GPC3: variants seen among roughly 807,000 people sequenced by gnomAD.
The protein encoded by GPC3 is glypican-3.
GPC3 carries 3 observed loss-of-function variants against 34.4 expected under a neutral mutation model. The observed-to-expected ratio is 0.09, with a 90% confidence interval of 0.04 to 0.23. The LOEUF (loss-of-function observed/expected upper bound fraction) is 0.23. Ranked by LOEUF, GPC3 falls within the 10% of genes least tolerant of loss-of-function variation. The pLI is 1.00. For missense variants in GPC3, 351 were observed against 445.6 expected, an observed-to-expected ratio of 0.79 and a Z score of 1.91; for synonymous variants, 177 against 174.0, an observed-to-expected ratio of 1.02 and a Z score of -0.13.
chrX:133,946,011 C>T (rs2068415766), intron 2 of GPC3, among the ~76,000 whole-genome samples: 1 of 111,971 alleles, frequency 8.9e-6, no homozygotes, highest in South Asian at 3.8e-4. Flanking sequence ...GGATGCCTTG[C>T]ACCCAAGTTA....
In GPC3 at chrX:133,549,597, T is replaced by C. The variant is rs563917383; in HGVS notation, c.1574-13304A>G. On this transcript the variant is annotated intron_variant, in intron 7 of 7. Coordinates refer to ENST00000370818, the MANE Select transcript of GPC3 (RefSeq NM_004484.4). ...CATGTCTTTCTTCATGCTATTCCCTTAGCCTGGAATGGCCTCTCTCTCTCT... is the reference window on the plus strand; with the variant it reads ...CATGTCTTTCTTCATGCTATTCCCTCAGCCTGGAATGGCCTCTCTCTCTCT... 2.8e-5 allele frequency among the ~76,000 whole-genome samples: 3 copies of C among 107,212 alleles called. No homozygotes were observed. In the Middle Eastern group the frequency reaches 0.014, roughly 511 times the overall value. 93.1% of individuals were successfully genotyped at this position (107,212 alleles called of 115,157 possible). A position where few individuals can be genotyped will look rare whatever the true frequency, so the allele number is the denominator to read the frequency against.
intron 4 of GPC3, 73 bp downstream of exon 4, chrX:133,699,822 A>G: frequency 1.2e-6 from 1 of 862,713 alleles, no homozygotes. Flanking sequence ...AAGAAGTTTC[A>G]CTCTAGTGGT....
At chrX:133,813,623 G>C (rs2075675632) in intron 2 of GPC3, among the ~76,000 whole-genome samples, 1 of 112,542 alleles carries the variant, frequency 8.9e-6, no homozygotes, top group African/African-American at 3.2e-5. Flanking sequence ...AATGAATGAA[G>C]TGTGGTGCAC....
At chrX:133,732,821 G>A (rs1239917029) in intron 3 of GPC3, among the ~76,000 whole-genome samples, 1 of 111,492 alleles carries the variant, frequency 9.0e-6, no homozygotes, top group Non-Finnish European at 1.9e-5. Flanking sequence ...CAGTTCTTTG[G>A]AGGCAATCCA....
chrX:133,553,130 CT>C (rs202125841), intron 7 of GPC3, among the ~76,000 whole-genome samples: 3,511 of 111,951 alleles, frequency 0.031, 61 homozygotes, highest in Non-Finnish European at 0.049. Flanking sequence ...GCCCTGGTTC[CT>C]TACAACTAAG....
rs970402246 is a variant in GPC3, at chrX:133,659,147, ATATCTT to A, written c.1413+2577_1413+2582del. ...TGATAGATATACACTGGAGTTTTTG[ATATCTT>A]TACCATAATACAGATGAGAGAACTA... On this transcript the variant is annotated intron_variant, in intron 6 of 7. Transcript: ENST00000370818. Among the ~76,000 whole-genome samples, 10 of 112,403 alleles carry A rather than the reference ATATCTT, an allele frequency of 8.9e-5. No individual in the cohort carries two copies. In the South Asian group the frequency reaches 1.5e-3, roughly 17 times the overall value.
intron 6 of GPC3, among the ~76,000 whole-genome samples, chrX:133,614,202 A>G (rs1329358576): frequency 8.9e-6 from 1 of 111,802 alleles, no homozygotes; most frequent in African/African-American, 3.2e-5. Flanking sequence ...ATTTAAAGAC[A>G]TAATGGCTGA....
intron 2 of GPC3, among the ~76,000 whole-genome samples, chrX:133,928,809 G>A (rs1237019956): frequency 8.9e-6 from 1 of 112,014 alleles, no homozygotes; most frequent in African/African-American, 3.2e-5. Context: ...TGAGTTGTAT[G>A]AGTTCTTTAT....
At chrX:133,749,541 C>T (rs1233929776) in intron 3 of GPC3, among the ~76,000 whole-genome samples, 1 of 111,181 alleles carries the variant, frequency 9.0e-6, no homozygotes, top group Non-Finnish European at 1.9e-5. Flanking sequence ...CTTAAAAAAA[C>T]GAACAGTACC....
chrX:133,861,606 T>C (rs1322529396), intron 2 of GPC3, among the ~76,000 whole-genome samples: 2 of 111,702 alleles, frequency 1.8e-5, no homozygotes, highest in Non-Finnish European at 3.8e-5. Flanking sequence ...CCTACCCAAA[T>C]CCCATGTTGA....
chrX:133,671,602 A>C (rs916969721), intron 5 of GPC3, among the ~76,000 whole-genome samples: 11 of 112,329 alleles, frequency 9.8e-5, no homozygotes, highest in Non-Finnish European at 1.7e-4. Flanking sequence ...AGAAATTACA[A>C]GTAGATTTCA....
chrX:133,605,688 A>G (rs2070041803), intron 6 of GPC3, among the ~76,000 whole-genome samples: 1 of 112,204 alleles, frequency 8.9e-6, no homozygotes, highest in Non-Finnish European at 1.9e-5. Context: ...GGAAAAGAGG[A>G]GGAAGAGGGG....
chrX:133,950,605 T>C (rs1185015822), intron 2 of GPC3, among the ~76,000 whole-genome samples: 2 of 112,307 alleles, frequency 1.8e-5, no homozygotes, highest in Non-Finnish European at 3.8e-5. Flanking sequence ...TACCAGAATA[T>C]TGGGGAGGGG....
At chrX:133,614,510 A>T (rs1446155641) in intron 6 of GPC3, among the ~76,000 whole-genome samples, 2 of 111,619 alleles carry the variant, frequency 1.8e-5, no homozygotes, top group Non-Finnish European at 3.8e-5. Flanking sequence ...ATAACCAGCA[A>T]ACGTGTCCTT....
At chrX:133,649,266 A>ATGTG (rs202148663) in intron 6 of GPC3, among the ~76,000 whole-genome samples, 3 of 99,510 alleles carry the variant, frequency 3.0e-5, no homozygotes, top group African/African-American at 1.1e-4. Context: ...GGATATATAT[A>ATGTG]TATGTGTGTG....
chrX:133,717,596 A>G (rs1221152471), intron 3 of GPC3, among the ~76,000 whole-genome samples: 1 of 110,812 alleles, frequency 9.0e-6, no homozygotes, highest in Non-Finnish European at 1.9e-5. Context: ...TCAATCAATC[A>G]CAACCCTCTC....
chrX:133,762,513 G>C (rs1162517878), intron 2 of GPC3, among the ~76,000 whole-genome samples: 1 of 111,215 alleles, frequency 9.0e-6, no homozygotes, highest in African/African-American at 3.3e-5. Context: ...TTAAACATTT[G>C]AACAAGCAAA....
chrX:133,755,177 C>G (rs1048999671), intron 2 of GPC3, among the ~76,000 whole-genome samples: 1 of 112,064 alleles, frequency 8.9e-6, no homozygotes, highest in African/African-American at 3.2e-5. Context: ...ACAAAAATAG[C>G]CAAGTTTCCT....
chrX:133,756,390 T>C (rs931619825), intron 2 of GPC3, among the ~76,000 whole-genome samples: 3 of 112,399 alleles, frequency 2.7e-5, no homozygotes, highest in African/African-American at 6.5e-5. Flanking sequence ...CTAGAAGAAA[T>C]TGCAACCCAA....
Sources: gnomAD v4.1 joint callset for allele counts (sites outside exome capture counted in the v4.1 genomes callset) on GRCh38, gnomAD v4.1.1 for gene constraint, MANE v1.5 for transcripts, NCBI Gene and HGNC (gene_info 2026-07-23, HGNC 2026-07-21) for gene names.